GLT1D1: variants seen among roughly 807,000 people sequenced by gnomAD.
GLT1D1 encodes the protein glycosyltransferase 1 domain-containing protein 1.
GLT1D1 carries 21 observed loss-of-function variants against 28.7 expected under a neutral mutation model. The observed-to-expected ratio is 0.73, with a 90% CI of 0.52 to 1.05. The LOEUF (loss-of-function observed/expected upper bound fraction) is 1.05. Ranked by LOEUF, GLT1D1 falls within the 50% of genes least tolerant of loss-of-function variation. The pLI, the probability that GLT1D1 is intolerant of heterozygous loss-of-function variation, is 0.00. For missense variants in GLT1D1, 343 were observed against 330.6 expected (o/e 1.04, Z -0.29); for synonymous variants, 147 against 124.8 (o/e 1.18, Z -1.19).
In GLT1D1 at chr12:128,913,699, G is replaced by A. The variant is rs542713205; in HGVS notation, c.375+14412G>A. On this transcript the variant is annotated intron_variant, in intron 4 of 7. Transcript: ENST00000281703. The stretch of plus-strand genomic sequence containing the variant: ...GCTCAGGCGCACCTTAGTGAGGCAC[G>A]GCATCCTGTCATCACCGTGTCCTTG... 4.6e-5 allele frequency among the ~76,000 whole-genome samples: 7 copies of A among 152,350 alleles called. No individual in the cohort carries two copies. The South Asian group carries it at 1.4e-3, about 32-fold the overall frequency.
At chr12:128,925,926 C>G (rs959934411) in intron 4 of GLT1D1, among the ~76,000 whole-genome samples, 2 of 152,096 alleles carry the variant, frequency 1.3e-5, no homozygotes, top group African/African-American at 4.8e-5. Flanking sequence ...TGTGGTGGCT[C>G]ACGCCTGTAA....
intron 2 of GLT1D1, among the ~76,000 whole-genome samples, chr12:128,886,517 G>A (rs137871089): frequency 1.3e-5 from 2 of 152,270 alleles, no homozygotes; most frequent in Non-Finnish European, 1.5e-5. Context: ...CAGCAGCTGC[G>A]CTTCTTCCTG....
Position 128,875,923 on chromosome 12 carries a change from A to G in GLT1D1, c.78A>G (p.Leu26=). ...GTATTTTTTGATAAAGGGCCCATCT[A>G]GAGGCTGCAGGGCACGTGTGCGTTT... The change falls in exon 2 of 8, where the codon CTA becomes CTG. Residue 26 remains leucine (L), a synonymous_variant. Coordinates refer to ENST00000281703, the MANE Select transcript of GLT1D1 (RefSeq NM_144669.3). The G allele has an allele frequency of 6.2e-7, 1 of 1,613,528 alleles. No homozygotes were observed. The highest frequency in any genetic ancestry group is 8.5e-7 in the Non-Finnish European group (1 of 1,179,772).
chr12:128,977,391 A>G (rs1274542310), intron 7 of GLT1D1, among the ~76,000 whole-genome samples: 2 of 152,170 alleles, frequency 1.3e-5, no homozygotes, highest in Non-Finnish European at 2.9e-5. Flanking sequence ...GCATTACCTG[A>G]GCCAGCGTTG....
chr12:128,935,904 C>A (rs1364316291), intron 4 of GLT1D1, among the ~76,000 whole-genome samples: 4 of 152,230 alleles, frequency 2.6e-5, no homozygotes, highest in Non-Finnish European at 4.4e-5. Flanking sequence ...TTAGTTAACA[C>A]CCCTAGACCA....
chr12:128,858,242 A>T (rs1218372185), intron 1 of GLT1D1, among the ~76,000 whole-genome samples: 1 of 152,148 alleles, frequency 6.6e-6, no homozygotes, highest in Non-Finnish European at 1.5e-5. Flanking sequence ...ATCGTGACTT[A>T]CCTTCCAGTC....
intron 3 of GLT1D1, among the ~76,000 whole-genome samples, chr12:128,889,576 C>A (rs1393843891): frequency 2.0e-5 from 3 of 152,164 alleles, no homozygotes; most frequent in Non-Finnish European, 4.4e-5. Context: ...AAGTTATTAT[C>A]CCCAGTTGAG....
chr12:128,933,284 C>A (rs1267031229), intron 4 of GLT1D1, among the ~76,000 whole-genome samples: 1 of 152,276 alleles, frequency 6.6e-6, no homozygotes, highest in Non-Finnish European at 1.5e-5. Flanking sequence ...GCAGGCGGCG[C>A]CCGTGCGCAG....
Position 128,918,690 on chromosome 12 carries a change from A to G in GLT1D1, c.375+19403A>G, listed in dbSNP as rs115197151. 5.5e-3 allele frequency among the ~76,000 whole-genome samples: 832 copies of G among 152,336 alleles called. 9 individuals carry two copies. Among genetic ancestry groups the G allele is most frequent in the African/African-American group, 0.019 (784 of 41,582 alleles). ...TCAGCTGCTTTGTCATGTCAGTTACATGTACCATTATTCAGAACGAGTGGG... is the reference window on the plus strand; with the variant it reads ...TCAGCTGCTTTGTCATGTCAGTTACGTGTACCATTATTCAGAACGAGTGGG... On this transcript the variant is annotated intron_variant, in intron 4 of 7. Transcript: ENST00000281703.
At chr12:128,879,171 A>G (rs1430211417) in intron 2 of GLT1D1, among the ~76,000 whole-genome samples, 1 of 152,112 alleles carries the variant, frequency 6.6e-6, no homozygotes, top group Non-Finnish European at 1.5e-5. Context: ...TTTTAAGTTC[A>G]GCAGTACATG....
intron 4 of GLT1D1, among the ~76,000 whole-genome samples, chr12:128,918,384 G>T (rs138130390): frequency 6.6e-6 from 1 of 152,264 alleles, no homozygotes; most frequent in Admixed American, 6.5e-5. Flanking sequence ...ATACCTAGGT[G>T]ATGGGTTGAT....
chr12:128,933,256 G>A (rs980115429), intron 4 of GLT1D1, among the ~76,000 whole-genome samples: 2 of 152,282 alleles, frequency 1.3e-5, no homozygotes, highest in East Asian at 1.9e-4. Flanking sequence ...ACAGGGTGCG[G>A]AAGCGATGCG....
intron 7 of GLT1D1, among the ~76,000 whole-genome samples, chr12:128,974,080 C>A (rs1208956379): frequency 6.6e-6 from 1 of 151,958 alleles, no homozygotes; most frequent in African/African-American, 2.4e-5. Flanking sequence ...CCCAGGTGAC[C>A]TGGGCTCCCA....
At chr12:128,880,129 A>G (rs1228796151) in intron 2 of GLT1D1, among the ~76,000 whole-genome samples, 2 of 152,232 alleles carry the variant, frequency 1.3e-5, no homozygotes, top group Non-Finnish European at 2.9e-5. Flanking sequence ...GTATTCTACT[A>G]ACAGATGGGC....
intron 6 of GLT1D1, among the ~76,000 whole-genome samples, chr12:128,949,205 A>G (rs947827727): frequency 6.6e-6 from 1 of 152,242 alleles, no homozygotes; most frequent in Non-Finnish European, 1.5e-5. Flanking sequence ...GGAAAGGTAG[A>G]GTGAAATTCG....
intron 4 of GLT1D1, among the ~76,000 whole-genome samples, chr12:128,911,198 G>A (rs1871485309): frequency 6.6e-6 from 1 of 152,194 alleles, no homozygotes; most frequent in African/African-American, 2.4e-5. Context: ...CCAAAGTGCT[G>A]GGATCATATG....
rs142193412 is a variant in GLT1D1 at position 128,921,329 on chromosome 12, G to T, written c.375+22042G>T. On this transcript the variant is annotated intron_variant, in intron 4 of 7. Transcript: ENST00000281703. ...ATGAGGGGAGAGGAAAGGAATATAG[G>T]ATTCACTCCATCTCCCTGCAGCGTC... 6.7e-3 allele frequency among the ~76,000 whole-genome samples: 1,026 copies of T among 152,110 alleles called. 4 individuals are homozygous for T. The highest frequency in any genetic ancestry group is 0.026 in the South Asian group (126 of 4,820).
intron 4 of GLT1D1, among the ~76,000 whole-genome samples, chr12:128,934,153 T>G (rs962878536): frequency 1.3e-5 from 2 of 151,966 alleles, no homozygotes; most frequent in African/African-American, 4.8e-5. Flanking sequence ...TCAGTGCCTC[T>G]TAGTACAAAA....
At chr12:128,976,362 T>G (rs1477499893) in intron 7 of GLT1D1, among the ~76,000 whole-genome samples, 1 of 152,068 alleles carries the variant, frequency 6.6e-6, no homozygotes, top group Non-Finnish European at 1.5e-5. Context: ...GTGGGGCGTG[T>G]GTGTTTTACA....
Sources: gnomAD v4.1 joint callset for allele counts (sites outside exome capture counted in the v4.1 genomes callset) on GRCh38, gnomAD v4.1.1 for gene constraint, MANE v1.5 for transcripts, NCBI Gene and HGNC (gene_info 2026-07-23, HGNC 2026-07-21) for gene names.